The following INO80 variants were observed in gnomAD, a reference collection of about 807,000 sequenced individuals.
INO80 encodes the protein INO80 complex ATPase subunit.
Under a neutral mutation model 203.4 loss-of-function variants are expected in INO80, and 20 were observed. The observed-to-expected ratio is 0.10, with a 90% CI of 0.07 to 0.14. The LOEUF is 0.14. Ranked by LOEUF, INO80 falls within the 10% of genes least tolerant of loss-of-function variation. The pLI, the probability that INO80 is intolerant of heterozygous loss-of-function variation, is 1.00. For missense variants in INO80, 1,419 were observed against 1,914.4 expected (o/e 0.74, Z 4.83); for synonymous variants, 726 against 685.2 (o/e 1.06, Z -0.93).
chr15:41,084,686 T>C (rs1206269362), intron 7 of INO80, among the ~76,000 whole-genome samples: 1 of 152,240 alleles, frequency 6.6e-6, no homozygotes, highest in Non-Finnish European at 1.5e-5. Context: ...TTCAAACATT[T>C]GTAAATTCTC....
At chr15:41,010,834 G>T (rs1238140115) in intron 27 of INO80, among the ~76,000 whole-genome samples, 1 of 152,108 alleles carries the variant, frequency 6.6e-6, no homozygotes, top group African/African-American at 2.4e-5. Context: ...CAATTTAGGG[G>T]AAGGACTCAA....
rs2044131305 is a variant in INO80, at chr15:41,011,399, C to T, written c.3402+4689G>A. On this transcript the variant is annotated intron_variant, in intron 27 of 35. Coordinates refer to ENST00000648947, the MANE Select transcript of INO80 (RefSeq NM_017553.3). ...CTCCACTAAATAGATTCCTTAAAGTCAAACATCACGTCTAACTAATATTTG... is the reference window on the plus strand; with the variant it reads ...CTCCACTAAATAGATTCCTTAAAGTTAAACATCACGTCTAACTAATATTTG... Among the ~76,000 whole-genome samples, 3 of 152,256 alleles carry T rather than the reference C, an allele frequency of 2.0e-5. No individual in the cohort carries two copies. The South Asian group carries it at 6.2e-4, about 32-fold the overall frequency.
At chr15:41,034,709 G>A (rs2044543299) in intron 24 of INO80, among the ~76,000 whole-genome samples, 2 of 152,188 alleles carry the variant, frequency 1.3e-5, no homozygotes, top group South Asian at 2.1e-4. Flanking sequence ...AAAGAATGAT[G>A]AGACCCCTTC....
intron 24 of INO80, among the ~76,000 whole-genome samples, chr15:41,030,453 T>TC (rs1441413776): frequency 1.3e-5 from 2 of 150,144 alleles, no homozygotes; most frequent in Non-Finnish European, 3.0e-5. Flanking sequence ...ACCTCTGCCT[T>TC]CCCAGGTTCA....
intron 12 of INO80, among the ~76,000 whole-genome samples, chr15:41,070,978 G>A (rs2045301819): frequency 6.6e-6 from 1 of 152,174 alleles, no homozygotes. Flanking sequence ...AGACCAGTCT[G>A]GGCAACATGG....
intron 1 of INO80, among the ~76,000 whole-genome samples, chr15:41,115,065 G>A (rs2046010477): frequency 6.6e-6 from 1 of 152,118 alleles, no homozygotes; most frequent in African/African-American, 2.4e-5. Flanking sequence ...AATTTAAGTT[G>A]CCACTGAAAA....
At chr15:41,026,580 A>G (rs184124682) in intron 25 of INO80, among the ~76,000 whole-genome samples, 25 of 152,116 alleles carry the variant, frequency 1.6e-4, no homozygotes, top group African/African-American at 5.8e-4. Context: ...CAAAAACAAA[A>G]AAAACCAACA....
At position 40,983,780 on chromosome 15, in the gene INO80, C is replaced by T. The variant is rs753109209; in HGVS notation, c.4219G>A (p.Val1407Ile). The T allele has an allele frequency of 3.2e-5, 51 of 1,612,244 alleles. No individual in the cohort carries two copies. The highest frequency in any genetic ancestry group is 8.9e-5 in the East Asian group (4 of 44,888). The change falls in exon 34 of 36, where the codon GTC becomes ATC. Residue 1407 changes from valine (V) to isoleucine (I), a missense_variant. Val to Ile is a conservative substitution (Grantham distance 29). Around this residue, in one of 9 missense-constraint regions of INO80, gnomAD observed 214 missense variants for 248.9 expected, o/e 0.86. Transcript: ENST00000648947. ...CAATTACCATTCACGGTATCTGAGA[C>T]GGAGCCTGTTATGGATGCGGGAGAG... ...TNSPASITGSVSDTVNGISIQ... is the reference protein window; with the variant it reads ...TNSPASITGSISDTVNGISIQ...
intron 1 of INO80, among the ~76,000 whole-genome samples, chr15:41,107,905 G>A (rs2045904459): frequency 6.6e-6 from 1 of 151,414 alleles, no homozygotes; most frequent in Non-Finnish European, 1.5e-5. Flanking sequence ...TTTGAGACCA[G>A]CCTGACCAAC....
At chr15:41,100,792 C>T (rs1652579576) in intron 1 of INO80, among the ~76,000 whole-genome samples, 4 of 151,584 alleles carry the variant, frequency 2.6e-5, no homozygotes, top group Admixed American at 2.6e-4. Context: ...TATACATTCA[C>T]ATTGTTGTGC....
At chr15:41,004,336 T>C (rs1438714168) in intron 28 of INO80, among the ~76,000 whole-genome samples, 1 of 152,240 alleles carries the variant, frequency 6.6e-6, no homozygotes, top group Non-Finnish European at 1.5e-5. Context: ...TATGCCAAAT[T>C]ATTTTATGTC....
chr15:41,044,867 T>C (rs764668356), intron 24 of INO80, 37 bp downstream of exon 24: 17 of 1,554,664 alleles, frequency 1.1e-5, no homozygotes, highest in Non-Finnish European at 1.5e-5. Flanking sequence ...GGAAAGAAGA[T>C]ACTAAGTAGG....
chr15:41,086,314 T>C (rs530707377), intron 6 of INO80, among the ~76,000 whole-genome samples: 10 of 151,858 alleles, frequency 6.6e-5, no homozygotes, highest in African/African-American at 2.2e-4. Context: ...ATAAAGATAA[T>C]AGAGAAAGAA....
At chr15:41,052,669 T>G (rs1566929466) in intron 19 of INO80, among the ~76,000 whole-genome samples, 2 of 125,092 alleles carry the variant, frequency 1.6e-5, no homozygotes, top group African/African-American at 3.6e-5. Context: ...CGAGCCCTTG[T>G]CTTACAAAAA....
chr15:41,029,143 G>T (rs569974657), intron 24 of INO80, among the ~76,000 whole-genome samples: 3 of 152,220 alleles, frequency 2.0e-5, no homozygotes, highest in Non-Finnish European at 4.4e-5. Context: ...ATACATTGTT[G>T]TAAGGTCAAG....
chr15:41,111,796 T>C (rs1343116484), intron 1 of INO80, among the ~76,000 whole-genome samples: 1 of 147,884 alleles, frequency 6.8e-6, no homozygotes, highest in Non-Finnish European at 1.5e-5. Context: ...AGAGCAAAAC[T>C]CTGTCTCAAG....
chr15:41,072,067 T>TAAAA lies in INO80; in HGVS notation c.1396-13_1396-10dup. On this transcript the variant is annotated splice_polypyrimidine_tract_variant and intron_variant, in intron 11 of 35. Coordinates refer to ENST00000648947, the MANE Select transcript of INO80 (RefSeq NM_017553.3). The stretch of plus-strand genomic sequence containing the variant: ...TCATCAAATGACCTTGTCTGGAAAG[T>TAAAA]AAAAAAAAAAAAAATTAGAAAAAAA... 2.6e-6 allele frequency: 3 copies of TAAAA among 1,160,156 alleles called. No homozygotes were observed. Among genetic ancestry groups the TAAAA allele is most frequent in the Non-Finnish European group, 3.4e-6 (3 of 889,884 alleles). The allele number at this position is 1,160,156 out of a possible 1,614,324, so 71.9% of individuals were successfully genotyped here. A position where few individuals can be genotyped will look rare whatever the true frequency, so the allele number is the denominator to read the frequency against.
At chr15:41,046,732 C>T (rs1030365581) in intron 23 of INO80, among the ~76,000 whole-genome samples, 1 of 152,100 alleles carries the variant, frequency 6.6e-6, no homozygotes, top group Non-Finnish European at 1.5e-5. Flanking sequence ...ATTCTCCTGC[C>T]TCGGCCTCCC....
chr15:41,085,509 G>A lies in INO80; in HGVS notation c.733C>T (p.His245Tyr). The A allele has an allele frequency of 6.2e-7, 1 of 1,614,198 alleles. No individual in the cohort carries two copies. The highest frequency in any genetic ancestry group is 8.5e-7 in the Non-Finnish European group (1 of 1,180,044). ...LSSEESPRRH[H>Y]HQTKVFAKFS... ...TTGGCAAAGACTTTGGTCTGGTGGT[G>A]ATGGCGACGAGGGGATTCTTCAGAG... Residue 245 changes from histidine to tyrosine, a missense_variant, in exon 7 of 36, where the codon CAC (histidine) becomes TAC (tyrosine). His to Tyr is a moderately conservative substitution (Grantham distance 83). Coordinates refer to ENST00000648947, the MANE Select transcript of INO80 (RefSeq NM_017553.3).
Sources: allele counts gnomAD v4.1 joint callset (sites outside exome capture counted in the v4.1 genomes callset), GRCh38; gene constraint gnomAD v4.1.1; regional missense constraint gnomAD v4.1.1; transcripts MANE v1.5; gene names NCBI Gene and HGNC (gene_info 2026-07-23, HGNC 2026-07-21).